The following APBA2 variants were observed in gnomAD, a reference collection of about 807,000 sequenced individuals.
APBA2 encodes the protein amyloid beta precursor protein binding family A member 2.
APBA2 carries 30 observed loss-of-function variants against 75.0 expected under a neutral mutation model. The ratio of observed to expected loss-of-function variants is 0.40; its 90% CI spans 0.30 to 0.54. APBA2 has a LOEUF of 0.54. APBA2 is among the 20% of genes least tolerant of loss of function. The pLI, the probability that APBA2 is intolerant of heterozygous loss-of-function variation, is 0.49. For missense variants in APBA2, 801 were observed against 1,016.1 expected (o/e 0.79, Z 2.88); for synonymous variants, 444 against 409.6 (o/e 1.08, Z -1.01).
intron 3 of APBA2, among the ~76,000 whole-genome samples, chr15:29,047,160 T>G (rs2041376122): frequency 6.6e-6 from 1 of 152,232 alleles, no homozygotes; most frequent in Non-Finnish European, 1.5e-5. Context: ...GTCTTCATCT[T>G]TAACAGGCGG....
intron 2 of APBA2, among the ~76,000 whole-genome samples, chr15:28,978,235 C>T (rs2037442977): frequency 6.6e-6 from 1 of 152,220 alleles, no homozygotes; most frequent in South Asian, 2.1e-4. Flanking sequence ...TCCCAGTTTG[C>T]TGTTACCATG....
At position 29,050,380 on chromosome 15, in the gene APBA2, A is replaced by G. The variant is rs577337602; in HGVS notation, c.-40-3465A>G. Among the ~76,000 whole-genome samples the G allele has an allele frequency of 2.9e-3, 444 of 152,354 alleles. 2 individuals carry two copies. Among genetic ancestry groups the G allele is most frequent in the African/African-American group, 0.01 (431 of 41,598 alleles). ...CTAACAATTATTTTTACAAAATAAA[A>G]ATGAAATCCCACTAAATAGTTCAAG... On this transcript the variant is annotated intron_variant, in intron 3 of 14. Transcript: ENST00000683413.
chr15:29,092,941 A>G (rs560170544), intron 6 of APBA2, 134 bp from the exon 7 acceptor site: 4 of 1,192,640 alleles, frequency 3.4e-6, no homozygotes, highest in Non-Finnish European at 3.7e-6. Context: ...CTGGCTGCAG[A>G]TGGCAATGGT....
At chr15:28,954,355 A>T (rs759687116) in intron 2 of APBA2, among the ~76,000 whole-genome samples, 1 of 152,172 alleles carries the variant, frequency 6.6e-6, no homozygotes, top group Non-Finnish European at 1.5e-5. Context: ...TGGCCATCCC[A>T]TTAAGAGTAA....
At chr15:28,955,030 C>T (rs573448118) in intron 2 of APBA2, among the ~76,000 whole-genome samples, 87 of 152,266 alleles carry the variant, frequency 5.7e-4, no homozygotes, top group East Asian at 2.3e-3. Context: ...CCATTGCTCA[C>T]GGTTCACCCA....
rs1291789171 is a variant in APBA2, at chr15:29,054,693, C to T, written c.809C>T (p.Ala270Val). 1.2e-6 allele frequency: 2 copies of T among 1,613,982 alleles called. No individual in the cohort carries two copies. Among genetic ancestry groups the T allele is most frequent in the Admixed American group, 3.3e-5 (2 of 60,016 alleles). The change falls in exon 4 of 15, where the codon GCC becomes GTC. Residue 270 changes from alanine to valine, a missense_variant. Transcript: ENST00000683413. This position sits in a 1 kb window ranked among gnomAD's most constrained non-coding sequence, Gnocchi z 6.1. ...DSVEACPPIK[A>V]SCSPSRHEAR... The stretch of plus-strand genomic sequence containing the variant: ...GTAGAGGCCTGCCCACCCATCAAGG[C>T]CAGCTGCAGCCCCAGCAGGCACGAG...
chr15:28,933,127 A>G lies in APBA2; in HGVS notation c.-95+11378A>G, dbSNP rs140826202. ...CCACTCTCGCGATAATGGCATTAAT[A>G]CATTCATGAGGGTAGAGCTTTCAGG... On this transcript the variant is annotated intron_variant, in intron 2 of 14. Coordinates refer to ENST00000683413, the MANE Select transcript of APBA2 (RefSeq NM_001353788.2). 1.8e-4 allele frequency among the ~76,000 whole-genome samples: 27 copies of G among 152,290 alleles called. No homozygotes were observed. In the East Asian group the frequency reaches 4.5e-3, roughly 25 times the overall value.
chr15:28,998,200 C>CTTTTTT (rs397937522), intron 3 of APBA2, among the ~76,000 whole-genome samples: 2 of 132,304 alleles, frequency 1.5e-5, no homozygotes, highest in Non-Finnish European at 3.3e-5. Flanking sequence ...TCTTCTTTTT[C>CTTTTTT]TTTTTTTTTT....
Position 29,106,648 on chromosome 15 carries a change from G to A in APBA2, c.1746G>A (p.Val582=). ...ACAAGGGCGAGATCCTGGGCGTGGTGGTGGTGGAGTCGGGCTGGGGCTCCA... is the reference window on the plus strand; with the variant it reads ...ACAAGGGCGAGATCCTGGGCGTGGTAGTGGTGGAGTCGGGCTGGGGCTCCA... ...EKHKGEILGV[V]VVESGWGSIL... Residue 582 remains valine (V), a synonymous_variant, in exon 12 of 15, where the codon GTG becomes GTA. Coordinates refer to ENST00000683413, the MANE Select transcript of APBA2 (RefSeq NM_001353788.2). The A allele has an allele frequency of 6.2e-7, 1 of 1,613,136 alleles. No individual in the cohort carries two copies. Among genetic ancestry groups the A allele is most frequent in the Non-Finnish European group, 8.5e-7 (1 of 1,180,006 alleles).
At position 29,106,478 on chromosome 15, in the gene APBA2, G is replaced by T. The variant is rs1567020918; in HGVS notation, c.1705-129G>T. 2.8e-6 allele frequency: 3 copies of T among 1,070,716 alleles called. No homozygotes were observed. The African/African-American group carries it at 4.7e-5, about 17-fold the overall frequency. 66.3% of individuals were successfully genotyped at this position (1,070,716 alleles called of 1,614,324 possible). ...GCCCAAGACCTCTCCTGGCTGAGAT[G>T]AGCCAGCCTTGGATCCCAGGGCAGG... On this transcript the variant is annotated intron_variant, in intron 11 of 14. Transcript: ENST00000683413.
At position 28,987,833 on chromosome 15, in the gene APBA2, C is replaced by T. The variant is rs142908468; in HGVS notation, c.-94-7920C>T. On this transcript the variant is annotated intron_variant, in intron 2 of 14. Transcript: ENST00000683413. ...GTGCAGTGATGTGATCTCAGCTCAC[C>T]GCAACCTCCGCCTGCCAGGTTCAAG... Among the ~76,000 whole-genome samples, 761 of 149,134 alleles carry T rather than the reference C, an allele frequency of 5.1e-3. 5 individuals carry two copies. Among genetic ancestry groups the T allele is most frequent in the South Asian group, 0.03 (139 of 4,618 alleles).
intron 2 of APBA2, among the ~76,000 whole-genome samples, chr15:28,983,681 G>T (rs1194842259): frequency 6.6e-6 from 1 of 152,192 alleles, no homozygotes; most frequent in Non-Finnish European, 1.5e-5. Context: ...TGTCAGAGTG[G>T]GTTGGAGAGA....
At chr15:29,047,121 A>G (rs1365759371) in intron 3 of APBA2, among the ~76,000 whole-genome samples, 1 of 152,216 alleles carries the variant, frequency 6.6e-6, no homozygotes, top group East Asian at 1.9e-4. Context: ...CACAGTAAAC[A>G]GAGGTCTGAA....
intron 1 of APBA2, among the ~76,000 whole-genome samples, chr15:28,917,909 A>G (rs1323121890): frequency 6.6e-6 from 1 of 152,150 alleles, no homozygotes; most frequent in Non-Finnish European, 1.5e-5. Flanking sequence ...AGCAGCACTC[A>G]CTGCATCCTG....
chr15:29,023,581 G>A (rs532636282), intron 3 of APBA2, among the ~76,000 whole-genome samples: 12 of 146,508 alleles, frequency 8.2e-5, no homozygotes, highest in South Asian at 4.5e-4. Flanking sequence ...TCAGCCTCCC[G>A]AGTAACTGTG....
rs146397680 is a variant in APBA2, at chr15:28,996,161, G to T, written c.-41+355G>T. On this transcript the variant is annotated intron_variant, in intron 3 of 14. Transcript: ENST00000683413. The stretch of plus-strand genomic sequence containing the variant: ...TCACCAGACTCAGTCATTGATTTGT[G>T]TAACCCCTACCTAGGTTCCTAGTTA... Among the ~76,000 whole-genome samples, 7 of 152,280 alleles carry T rather than the reference G, an allele frequency of 4.6e-5. No homozygotes were observed. In the East Asian group the frequency reaches 1.3e-3, roughly 29 times the overall value.
chr15:29,069,392 G>A lies in APBA2; in HGVS notation c.952-5529G>A, dbSNP rs568016110. Among the ~76,000 whole-genome samples the A allele has an allele frequency of 1.1e-4, 16 of 152,260 alleles. No individual in the cohort carries two copies. In the South Asian group the frequency reaches 3.3e-3, roughly 32 times the overall value. ...TGTATCACTAGGAGTGGAATTCCTG[G>A]GTCATGTGGTTATTCAGTGTTTACC... On this transcript the variant is annotated intron_variant, in intron 4 of 14. Coordinates refer to ENST00000683413, the MANE Select transcript of APBA2 (RefSeq NM_001353788.2).
Position 28,901,388 on chromosome 15 carries a change from C to T in APBA2, c.-205+15110C>T, listed in dbSNP as rs142341746. ...AGCGTGGCACGGCAGGGCCCTGTGG[C>T]TTGGGCCAGGCTCTCTCTATGGTCT... On this transcript the variant is annotated intron_variant, in intron 1 of 14. Transcript: ENST00000683413. Among the ~76,000 whole-genome samples the T allele has an allele frequency of 1.3e-3, 198 of 146,854 alleles. 3 individuals carry two copies. The highest frequency in any genetic ancestry group is 4.0e-3 in the African/African-American group (162 of 40,652).
rs1294918347 is a variant in APBA2 at position 28,886,989 on chromosome 15, G to A, written c.-205+711G>A. On this transcript the variant is annotated intron_variant, in intron 1 of 14. Coordinates refer to ENST00000683413, the MANE Select transcript of APBA2 (RefSeq NM_001353788.2). ...GTCCCCAAGCAGGGCGCCATGGGCC[G>A]GGCAGCGGGCCTCGGTGTGCCCAGG... 2.6e-5 allele frequency among the ~76,000 whole-genome samples: 4 copies of A among 152,234 alleles called. No individual in the cohort carries two copies. In the East Asian group the frequency reaches 5.8e-4, roughly 22 times the overall value.
Sources: gnomAD v4.1 joint callset for allele counts (sites outside exome capture counted in the v4.1 genomes callset) on GRCh38, gnomAD v4.1.1 for gene constraint, Gnocchi (gnomAD v3.1) non-coding constraint, MANE v1.5 for transcripts, NCBI Gene and HGNC (gene_info 2026-07-23, HGNC 2026-07-21) for gene names.